HIP1: variants seen among roughly 807,000 people sequenced by gnomAD.
The protein encoded by HIP1 is huntingtin interacting protein 1.
HIP1 carries 65 observed loss-of-function variants against 147.6 expected under a neutral mutation model. That is an observed-to-expected ratio of 0.44 (90% CI 0.36 to 0.54). The LOEUF (loss-of-function observed/expected upper bound fraction) is 0.54, where lower values mean the gene tolerates loss of function less well. Ranked by LOEUF, HIP1 falls within the 20% of genes least tolerant of loss-of-function variation. The pLI is 0.00. For synonymous variants in HIP1, 479 were observed against 504.0 expected, an observed-to-expected ratio of 0.95 and a Z score of 0.67; for missense variants, 1,061 against 1,299.6, an observed-to-expected ratio of 0.82 and a Z score of 2.82.
rs57832648 is a variant in HIP1 at position 75,624,936 on chromosome 7, A to ATT, written c.121-25691_121-25690dup. ...CTGTACATAGGTGTATTTTTGTTTA[A>ATT]TTTTTTTTTTTTTTTTTTGAGATGT... On this transcript the variant is annotated intron_variant, in intron 1 of 30. Transcript: ENST00000336926. Among the ~76,000 whole-genome samples, 89 of 139,200 alleles carry ATT rather than the reference A, an allele frequency of 6.4e-4. 1 individual carries two copies. Among genetic ancestry groups the ATT allele is most frequent in the African/African-American group, 1.7e-3 (65 of 37,712 alleles). The allele number at this position is 139,200 out of a possible 152,430, so 91.3% of individuals were successfully genotyped here. A position where few individuals can be genotyped will look rare whatever the true frequency, so the allele number is the denominator to read the frequency against.
chr7:75,620,370 A>C (rs1273521222), intron 1 of HIP1, among the ~76,000 whole-genome samples: 2 of 136,126 alleles, frequency 1.5e-5, no homozygotes, highest in African/African-American at 5.6e-5. Context: ...TGGGCAACAG[A>C]GCAAGACCAT....
In HIP1 at chr7:75,551,189, A is replaced by ATTTTTTTTTTTTTTTTTTT. The variant is rs55679922; in HGVS notation, c.2296-2207_2296-2189dup. On this transcript the variant is annotated intron_variant, in intron 22 of 30. Coordinates refer to ENST00000336926, the MANE Select transcript of HIP1 (RefSeq NM_005338.7). ...TAGGGAGGCAAAGATGTAGATGATA[A>ATTTTTTTTTTTTTTTTTTT]TTTTTTTTTTTTTTTTTTTTTTTTT... Among the ~76,000 whole-genome samples, 147 of 77,410 alleles carry ATTTTTTTTTTTTTTTTTTT rather than the reference A, an allele frequency of 1.9e-3. 44 individuals carry two copies. Among genetic ancestry groups the ATTTTTTTTTTTTTTTTTTT allele is most frequent in the African/African-American group, 8.2e-3 (120 of 14,714 alleles). The allele number at this position is 77,410 out of a possible 152,430, so 50.8% of individuals were successfully genotyped here. A position where few individuals can be genotyped will look rare whatever the true frequency, so the allele number is the denominator to read the frequency against.
chr7:75,567,555 C>T (rs1380650516), intron 9 of HIP1, among the ~76,000 whole-genome samples: 1 of 151,400 alleles, frequency 6.6e-6, no homozygotes. Context: ...GTAATCCCAA[C>T]ACTTTGGGAG....
At chr7:75,635,577 CAAAAA>C (rs144914669) in intron 1 of HIP1, among the ~76,000 whole-genome samples, 1 of 69,822 alleles carries the variant, frequency 1.4e-5, no homozygotes. Context: ...GACTCCATCT[CAAAAA>C]AAAAAAAAAA....
chr7:75,684,422 T>G (rs928025678), intron 1 of HIP1, among the ~76,000 whole-genome samples: 1 of 125,346 alleles, frequency 8.0e-6, no homozygotes, highest in Admixed American at 1.1e-4. Flanking sequence ...CACTCCAGCC[T>G]GAGCAACAGA....
intron 1 of HIP1, among the ~76,000 whole-genome samples, chr7:75,655,945 C>T (rs1430964282): frequency 6.6e-6 from 1 of 151,868 alleles, no homozygotes; most frequent in African/African-American, 2.4e-5. Flanking sequence ...TGAAACCACC[C>T]ATGTCTCTAC....
At chr7:75,719,624 C>T (rs1554520979) in intron 1 of HIP1, among the ~76,000 whole-genome samples, 1 of 152,180 alleles carries the variant, frequency 6.6e-6, no homozygotes, top group Non-Finnish European at 1.5e-5. Flanking sequence ...TGACCCTATA[C>T]TGTCCAGGCT....
rs782729161 is a variant in HIP1, at chr7:75,548,989, T to C, written c.2308A>G (p.Arg770Gly). ...IKAIGEELLP[R>G]GLDIKQEELG... ...TCCTCCTGCTTGATGTCCAGTCCCC[T>C]GGGCAGGAGCTCCTGTGAACACATC... The change falls in exon 23 of 31, where the codon AGG becomes GGG. Residue 770 changes from arginine to glycine, a missense_variant. This residue lies in a region of HIP1 where 810 missense variants were observed against 946.8 expected (regional missense o/e 0.86). Coordinates refer to ENST00000336926, the MANE Select transcript of HIP1 (RefSeq NM_005338.7). The C allele has an allele frequency of 6.2e-7, 1 of 1,613,370 alleles. No homozygotes were observed. Among genetic ancestry groups the C allele is most frequent in the Non-Finnish European group, 8.5e-7 (1 of 1,179,332 alleles).
At position 75,559,714 on chromosome 7, in the gene HIP1, C is replaced by T; in HGVS notation, c.1375+18G>A. On this transcript the variant is annotated intron_variant, in intron 14 of 30. Coordinates refer to ENST00000336926, the MANE Select transcript of HIP1 (RefSeq NM_005338.7). ...CGCCTGCCCCCGGGGCCCGCCCCCG[C>T]CCCCACCCACCGCTCACTTTCTATC... 3 of 751,416 alleles carry T rather than the reference C, an allele frequency of 4.0e-6. No individual in the cohort carries two copies. Among genetic ancestry groups the T allele is most frequent in the Non-Finnish European group, 6.1e-6 (3 of 492,774 alleles). 46.5% of individuals were successfully genotyped at this position (751,416 alleles called of 1,614,324 possible). A position where few individuals can be genotyped will look rare whatever the true frequency, so the allele number is the denominator to read the frequency against.
intron 5 of HIP1, among the ~76,000 whole-genome samples, chr7:75,584,881 C>T (rs1304804029): frequency 6.0e-5 from 9 of 149,632 alleles, no homozygotes; most frequent in Non-Finnish European, 1.2e-4. Flanking sequence ...CAGAGTCTTG[C>T]TCTGTCACCC....
At chr7:75,664,251 T>TAC (rs1232970655) in intron 1 of HIP1, among the ~76,000 whole-genome samples, 1 of 147,422 alleles carries the variant, frequency 6.8e-6, no homozygotes, top group Admixed American at 6.8e-5. Context: ...ACATACTATA[T>TAC]ACACACATAT....
intron 1 of HIP1, among the ~76,000 whole-genome samples, chr7:75,641,350 T>G (rs1798646773): frequency 6.6e-6 from 1 of 151,984 alleles, no homozygotes; most frequent in Non-Finnish European, 1.5e-5. Flanking sequence ...TGAGAACTCC[T>G]GGACTCAAGC....
chr7:75,588,708 A>C (rs1255902523), intron 4 of HIP1, among the ~76,000 whole-genome samples: 8 of 152,138 alleles, frequency 5.3e-5, no homozygotes, highest in African/African-American at 1.4e-4. Context: ...CAGGAGGTTG[A>C]GGCTGCAATA....
chr7:75,628,481 T>TC (rs1339530384), intron 1 of HIP1, among the ~76,000 whole-genome samples: 4 of 83,474 alleles, frequency 4.8e-5, no homozygotes, highest in African/African-American at 1.4e-4. Context: ...ACCTCTTTTT[T>TC]TTTTTTTTTT....
chr7:75,698,172 C>T lies in HIP1; in HGVS notation c.120+40629G>A, dbSNP rs112499684. On this transcript the variant is annotated intron_variant, in intron 1 of 30. Coordinates refer to ENST00000336926, the MANE Select transcript of HIP1 (RefSeq NM_005338.7). ...CTATGTAAAGTATCCTCCCAAGTCA[C>T]GCTTTATCCTTTTTCCTATTTTCTA... is the stretch of plus-strand genomic sequence containing the variant. Among the ~76,000 whole-genome samples, 178 of 152,148 alleles carry T rather than the reference C, an allele frequency of 1.2e-3. 1 individual carries two copies. Among genetic ancestry groups the T allele is most frequent in the African/African-American group, 3.6e-3 (149 of 41,516 alleles).
intron 8 of HIP1, among the ~76,000 whole-genome samples, chr7:75,573,061 G>A (rs781830582): frequency 1.6e-4 from 25 of 152,194 alleles, no homozygotes; most frequent in Non-Finnish European, 2.8e-4. Flanking sequence ...GGTGGGGGCC[G>A]GGCTGCCAAT....
At chr7:75,601,594 A>G (rs939480188) in intron 1 of HIP1, among the ~76,000 whole-genome samples, 17 of 149,304 alleles carry the variant, frequency 1.1e-4, no homozygotes, top group African/African-American at 4.0e-4. Flanking sequence ...CTCAGCGACA[A>G]CAAAACTCTC....
intron 1 of HIP1, among the ~76,000 whole-genome samples, chr7:75,609,948 G>T (rs1797370524): frequency 1.4e-5 from 2 of 146,164 alleles, no homozygotes; most frequent in South Asian, 2.1e-4. Flanking sequence ...TGTTGCCCAG[G>T]TTAGAGTGCA....
At chr7:75,558,116 T>A in intron 15 of HIP1, 51 bp downstream of exon 15, 1 of 1,475,500 alleles carries the variant, frequency 6.8e-7, no homozygotes, top group Non-Finnish European at 9.5e-7. Context: ...AGCCGCTCTC[T>A]CCCTAGAGGT....
Sources: gnomAD v4.1 joint callset for allele counts (sites outside exome capture counted in the v4.1 genomes callset) on GRCh38, gnomAD v4.1.1 for gene constraint, gnomAD v4.1.1 regional missense constraint, MANE v1.5 for transcripts, NCBI Gene and HGNC (gene_info 2026-07-23, HGNC 2026-07-21) for gene names.